ASIC2: variants seen among roughly 807,000 people sequenced by gnomAD.
The protein encoded by ASIC2 is acid-sensing ion channel 2.
A neutral mutation model predicts 57.3 loss-of-function variants in ASIC2; 25 were observed. That is an observed-to-expected ratio of 0.44 (90% CI 0.32 to 0.61). The LOEUF (loss-of-function observed/expected upper bound fraction) is 0.61, where lower values mean the gene tolerates loss of function less well. Among genes scored for constraint, ASIC2 ranks in the 20% least tolerant of loss-of-function variants. The pLI is 0.06. For missense variants in ASIC2, 641 were observed against 738.1 expected, an observed-to-expected ratio of 0.87 and a Z score of 1.52; for synonymous variants, 319 against 307.5, an observed-to-expected ratio of 1.04 and a Z score of -0.39.
At chr17:33,688,760 C>T (rs1908274130) in intron 1 of ASIC2, 1 of 152,168 alleles carries the variant, frequency 6.6e-6, no homozygotes, top group Non-Finnish European at 1.5e-5. Context: ...GAATCATCTC[C>T]CAAAAATTGC....
At chr17:33,290,229 C>A (rs1300994910) in intron 1 of ASIC2, among the ~76,000 whole-genome samples, 1 of 152,226 alleles carries the variant, frequency 6.6e-6, no homozygotes, top group Non-Finnish European at 1.5e-5. Context: ...CTGGTCTGAC[C>A]GGCATCATGC....
chr17:34,010,931 TAC>T (rs1331221141), intron 1 of ASIC2, among the ~76,000 whole-genome samples: 1 of 138,728 alleles, frequency 7.2e-6, no homozygotes, highest in Non-Finnish European at 1.6e-5. Context: ...CAAACACACA[TAC>T]ACAGACACAC....
intron 1 of ASIC2, chr17:33,935,345 G>T (rs1415793098): frequency 6.6e-6 from 1 of 152,196 alleles, no homozygotes; most frequent in African/African-American, 2.4e-5. Flanking sequence ...TAGCCAAGGG[G>T]CTTCTCCCCA....
In ASIC2 at chr17:33,464,457, CTCTTTCTTTCTTTCTTTCTTTTCTCTCTT is replaced by C. The variant is rs200599314; in HGVS notation, c.556-352419_556-352391del. ...CATCATTCTACACATGCCTCTTTTT[CTCTTTCTTTCTTTCTTTCTTTTCTCTCTT>C]TCTTTCTTTCTTTCTTTCTTTCTTT... On this transcript the variant is annotated intron_variant, in intron 1 of 9. Coordinates refer to the ASIC2 transcript ENST00000359872. 3.4e-3 allele frequency among the ~76,000 whole-genome samples: 293 copies of C among 85,816 alleles called. 15 individuals carry two copies. Among genetic ancestry groups the C allele is most frequent in the African/African-American group, 7.1e-3 (140 of 19,812 alleles). The allele number at this position is 85,816 out of a possible 152,430, so 56.3% of individuals were successfully genotyped here. A position where few individuals can be genotyped will look rare whatever the true frequency, so the allele number is the denominator to read the frequency against.
rs747331242 is a variant in ASIC2 at position 33,013,957 on chromosome 17, G to C, written c.*8C>G. The C allele has an allele frequency of 6.4e-7, 1 of 1,573,056 alleles. No homozygotes were observed. The highest frequency in any genetic ancestry group is 1.2e-5 in the South Asian group (1 of 85,972). ...GTTTGGAGGGAGTGCTGGGTGACTC[G>C]AGGGGTGTCAGCAGGCAATCTCCTC... On this transcript the variant is annotated 3_prime_UTR_variant, in exon 10 of 10. Coordinates refer to ENST00000225823, the MANE Select transcript of ASIC2 (RefSeq NM_183377.2).
At chr17:34,005,222 A>G (rs971242034) in intron 1 of ASIC2, 5 of 152,056 alleles carry the variant, frequency 3.3e-5, no homozygotes, top group African/African-American at 1.2e-4. Context: ...TGTAAGGCTC[A>G]TAAAGGGCTC....
intron 1 of ASIC2, among the ~76,000 whole-genome samples, chr17:34,133,554 G>A (rs1425953621): frequency 1.3e-5 from 2 of 152,248 alleles, no homozygotes; most frequent in African/African-American, 4.8e-5. Context: ...CCACAGGCCA[G>A]GGTACCAGTG....
At chr17:33,942,132 G>C in intron 1 of ASIC2, among the ~76,000 whole-genome samples, 1 of 152,158 alleles carries the variant, frequency 6.6e-6, no homozygotes. Flanking sequence ...GTCGCCAGTT[G>C]GGGAAGAAGG....
At position 33,365,321 on chromosome 17, in the gene ASIC2, A is replaced by G. The variant is rs566957924; in HGVS notation, c.556-253254T>C. ...AAAGCTCTTCTCATGCTGCATAAGT[A>G]TTGTATTTGTTATCTGCCTCTTTCA... On this transcript the variant is annotated intron_variant, in intron 1 of 9. Transcript: ENST00000359872. Among the ~76,000 whole-genome samples, 10 of 151,804 alleles carry G rather than the reference A, an allele frequency of 6.6e-5. No homozygotes were observed. The South Asian group carries it at 2.1e-3, about 32-fold the overall frequency.
intron 3 of ASIC2, among the ~76,000 whole-genome samples, chr17:33,059,975 T>A (rs1329752110): frequency 6.6e-6 from 1 of 152,256 alleles, no homozygotes; most frequent in Non-Finnish European, 1.5e-5. Context: ...GAAGTGTCTG[T>A]TCATATCCTT....
intron 1 of ASIC2, among the ~76,000 whole-genome samples, chr17:34,138,239 G>A (rs1292553236): frequency 6.6e-6 from 1 of 152,196 alleles, no homozygotes. Flanking sequence ...CTCCCCGATT[G>A]TGTCCCTGGG....
At chr17:33,591,249 A>G (rs558150015) in intron 1 of ASIC2, among the ~76,000 whole-genome samples, 1 of 152,314 alleles carries the variant, frequency 6.6e-6, no homozygotes, top group African/African-American at 2.4e-5. Flanking sequence ...CTGACATGGT[A>G]TATGATAAGA....
chr17:33,525,076 C>A lies in ASIC2; in HGVS notation c.556-413009G>T, dbSNP rs188393923. Among the ~76,000 whole-genome samples the A allele has an allele frequency of 5.8e-3, 884 of 152,308 alleles. 5 individuals are homozygous for A. Among genetic ancestry groups the A allele is most frequent in the South Asian group, 0.027 (131 of 4,812 alleles). On this transcript the variant is annotated intron_variant, in intron 1 of 9. Transcript: ENST00000359872. ...GTTCCCCCATCACCGATACCTGTGT[C>A]ATTCCTGTCTCTGTGCTCTTATTCT...
intron 1 of ASIC2, among the ~76,000 whole-genome samples, chr17:33,770,836 G>C (rs1911080787): frequency 6.6e-6 from 1 of 152,170 alleles, no homozygotes; most frequent in South Asian, 2.1e-4. Context: ...TTGTCTTCCA[G>C]AAGACAGACT....
At chr17:34,063,661 C>T (rs1017929817) in intron 1 of ASIC2, among the ~76,000 whole-genome samples, 8 of 151,064 alleles carry the variant, frequency 5.3e-5, no homozygotes, top group Non-Finnish European at 8.9e-5. Context: ...GATAAAAGAA[C>T]TCAGCCAAGT....
intron 1 of ASIC2, among the ~76,000 whole-genome samples, chr17:34,059,405 G>A (rs544215334): frequency 2.0e-5 from 3 of 152,310 alleles, no homozygotes; most frequent in Admixed American, 6.5e-5. Context: ...GGAGGGTGGC[G>A]AGAGGAGCAG....
chr17:33,110,100 T>A (rs1158264334), intron 2 of ASIC2, among the ~76,000 whole-genome samples: 2 of 152,130 alleles, frequency 1.3e-5, no homozygotes, highest in African/African-American at 4.8e-5. Context: ...TGAATCAAGA[T>A]AACAGGCTAG....
At chr17:33,185,018 T>TG (rs1240100143) in intron 1 of ASIC2, among the ~76,000 whole-genome samples, 1 of 152,110 alleles carries the variant, frequency 6.6e-6, no homozygotes, top group Admixed American at 6.6e-5. Context: ...GAAATTTGCC[T>TG]GAAAGATCTA....
intron 1 of ASIC2, among the ~76,000 whole-genome samples, chr17:33,196,317 CGATGATGATGATGAT>C (rs142802377): frequency 6.6e-6 from 1 of 151,004 alleles, no homozygotes; most frequent in East Asian, 2.0e-4. Context: ...ATGATGATGA[CGATGATGATGATGAT>C]GATGATGATG....
Sources: gnomAD v4.1 joint callset for allele counts (sites outside exome capture counted in the v4.1 genomes callset) on GRCh38, gnomAD v4.1.1 for gene constraint, MANE v1.5 for transcripts, NCBI Gene and HGNC (gene_info 2026-07-23, HGNC 2026-07-21) for gene names.